PTPRA: variants seen among roughly 807,000 people sequenced by gnomAD.
PTPRA encodes the protein protein tyrosine phosphatase receptor type A, also known as receptor-type tyrosine-protein phosphatase alpha.
Under a neutral mutation model 104.8 loss-of-function variants are expected in PTPRA, and 25 were observed. That is an observed-to-expected ratio of 0.24 (90% confidence interval 0.17 to 0.33). The LOEUF (loss-of-function observed/expected upper bound fraction) is 0.33. Among genes scored for constraint, PTPRA ranks in the 10% least tolerant of loss-of-function variants. PTPRA has a pLI of 1.00. For synonymous variants in PTPRA, 323 were observed against 368.9 expected (o/e 0.88, Z 1.43); for missense variants, 765 against 1,015.3 (o/e 0.75, Z 3.35).
intron 14 of PTPRA, 147 bp from the exon 15 acceptor site, chr20:3,021,907 T>G: frequency 9.7e-7 from 1 of 1,030,912 alleles, no homozygotes; most frequent in South Asian, 1.6e-5. Flanking sequence ...TGACTAGTTG[T>G]GAGACCTTGT....
intron 1 of PTPRA, among the ~76,000 whole-genome samples, chr20:2,917,961 C>T (rs1001156741): frequency 1.3e-5 from 2 of 150,416 alleles, no homozygotes; most frequent in African/African-American, 4.9e-5. Flanking sequence ...GAGTGGCAGG[C>T]GCCTGTAATC....
At chr20:2,902,746 G>T (rs1375124057) in intron 1 of PTPRA, among the ~76,000 whole-genome samples, 4 of 152,140 alleles carry the variant, frequency 2.6e-5, no homozygotes, top group Non-Finnish European at 4.4e-5. Context: ...TTTAATTTGA[G>T]AATTTTACTA....
At chr20:2,963,451 G>A (rs1006145555) in intron 3 of PTPRA, among the ~76,000 whole-genome samples, 7 of 151,914 alleles carry the variant, frequency 4.6e-5, no homozygotes, top group South Asian at 2.1e-4. Context: ...AAAATTTGCC[G>A]GGCATGGTGG....
intron 1 of PTPRA, among the ~76,000 whole-genome samples, chr20:2,879,221 C>G (rs2089916622): frequency 6.6e-6 from 1 of 152,200 alleles, no homozygotes; most frequent in South Asian, 2.1e-4. Flanking sequence ...TGTGAAGGCC[C>G]TGAGCTGAGA....
chr20:2,883,718 A>AT (rs1219300546), intron 1 of PTPRA, among the ~76,000 whole-genome samples: 4 of 151,862 alleles, frequency 2.6e-5, no homozygotes, highest in African/African-American at 7.3e-5. Context: ...CCTCGTTGGA[A>AT]TTTTTTTTAC....
chr20:2,890,098 A>G (rs1600066000), intron 1 of PTPRA, among the ~76,000 whole-genome samples: 1 of 144,770 alleles, frequency 6.9e-6, no homozygotes, highest in South Asian at 2.2e-4. Context: ...AGGCCTCACT[A>G]TGAGCCTAGG....
intron 1 of PTPRA, among the ~76,000 whole-genome samples, chr20:2,884,444 ACT>A (rs977965912): frequency 6.6e-6 from 1 of 151,876 alleles, no homozygotes; most frequent in African/African-American, 2.4e-5. Context: ...AACATTTGTT[ACT>A]CTCTTTTTGA....
At chr20:2,909,354 G>GGAGGCT (rs998746336) in intron 1 of PTPRA, among the ~76,000 whole-genome samples, 3 of 152,128 alleles carry the variant, frequency 2.0e-5, no homozygotes, top group African/African-American at 4.8e-5. Context: ...CAGCACTTTG[G>GGAGGCT]GAGGCTGAGG....
intron 2 of PTPRA, among the ~76,000 whole-genome samples, chr20:2,925,846 C>A (rs572909224): frequency 6.6e-6 from 1 of 151,806 alleles, no homozygotes; most frequent in African/African-American, 2.4e-5. Flanking sequence ...CAAAAAAAAA[C>A]ACATGGATGT....
intron 20 of PTPRA, among the ~76,000 whole-genome samples, chr20:3,033,099 T>G (rs901389141): frequency 6.6e-6 from 1 of 151,962 alleles, no homozygotes; most frequent in Non-Finnish European, 1.5e-5. Flanking sequence ...TCTGTTTTCT[T>G]TTGACACACT....
chr20:3,031,527 C>T (rs564506837), intron 20 of PTPRA, among the ~76,000 whole-genome samples: 1 of 152,182 alleles, frequency 6.6e-6, no homozygotes, highest in East Asian at 1.9e-4. Flanking sequence ...TCCATCTATC[C>T]TCAATCTTTC....
chr20:2,881,344 T>C (rs955897604), intron 1 of PTPRA, among the ~76,000 whole-genome samples: 1 of 151,768 alleles, frequency 6.6e-6, no homozygotes. Flanking sequence ...CCTTGAGATA[T>C]TAAATAATAA....
At chr20:2,952,723 T>C (rs2061395044) in intron 3 of PTPRA, among the ~76,000 whole-genome samples, 1 of 152,166 alleles carries the variant, frequency 6.6e-6, no homozygotes, top group South Asian at 2.1e-4. Context: ...AACTTCTCAT[T>C]CCCCCTTACT....
intron 2 of PTPRA, among the ~76,000 whole-genome samples, chr20:2,931,340 G>A (rs2060495937): frequency 1.3e-5 from 2 of 152,176 alleles, no homozygotes; most frequent in South Asian, 4.1e-4. Flanking sequence ...GCACCGGAGA[G>A]TCTGAGACAG....
chr20:3,037,275 A>C lies in PTPRA; in HGVS notation c.2320A>C (p.Met774Leu). 2 of 1,614,170 alleles carry C rather than the reference A, an allele frequency of 1.2e-6. No homozygotes were observed. The highest frequency in any genetic ancestry group is 1.7e-6 in the Non-Finnish European group (2 of 1,180,024). ...VKSLRLQRPH[M>L]VQTLEQYEFC... ...GAGCCTGCGGCTACAGAGGCCACAC[A>C]TGGTCCAGACACTGGTATGCTGCCC... Residue 774 changes from methionine to leucine, a missense_variant, in exon 23 of 24, where the codon ATG becomes CTG. Around this residue, in one of 4 missense-constraint regions of PTPRA, gnomAD observed 72 missense variants for 140.7 expected, o/e 0.51. Coordinates refer to ENST00000399903, the MANE Select transcript of PTPRA (RefSeq NM_001385305.1). This position sits in a 1 kb window ranked among gnomAD's most constrained non-coding sequence, Gnocchi z 4.3.
chr20:2,977,231 G>A (rs181667607), intron 6 of PTPRA, among the ~76,000 whole-genome samples: 22 of 151,066 alleles, frequency 1.5e-4, no homozygotes, highest in African/African-American at 4.1e-4. Flanking sequence ...AGCCAAGATC[G>A]CGCTCTTGGC....
intron 10 of PTPRA, among the ~76,000 whole-genome samples, chr20:3,005,505 C>G (rs1282611892): frequency 6.6e-6 from 1 of 151,960 alleles, no homozygotes; most frequent in Non-Finnish European, 1.5e-5. Context: ...GACCCAAGAT[C>G]GTGTCACTGC....
At chr20:2,914,329 A>T (rs567070492) in intron 1 of PTPRA, among the ~76,000 whole-genome samples, 1 of 152,152 alleles carries the variant, frequency 6.6e-6, no homozygotes, top group African/African-American at 2.4e-5. Context: ...GCATTGTTCC[A>T]CTGAGGTGTC....
At chr20:2,888,210 C>T (rs1414228322) in intron 1 of PTPRA, among the ~76,000 whole-genome samples, 1 of 152,090 alleles carries the variant, frequency 6.6e-6, no homozygotes, top group African/African-American at 2.4e-5. Flanking sequence ...AGTTGTGAAC[C>T]CCTAAATCAG....
Sources: gnomAD v4.1 joint callset for allele counts (sites outside exome capture counted in the v4.1 genomes callset) on GRCh38, gnomAD v4.1.1 for gene constraint, gnomAD v4.1.1 regional missense constraint, Gnocchi (gnomAD v3.1) non-coding constraint, MANE v1.5 for transcripts, NCBI Gene and HGNC (gene_info 2026-07-23, HGNC 2026-07-21) for gene names.